The following ZFPM2 variants were observed in gnomAD, a reference collection of about 807,000 sequenced individuals.
ZFPM2 encodes zinc finger protein ZFPM2.
A neutral mutation model predicts 98.6 loss-of-function variants in ZFPM2; 20 were observed. The observed-to-expected ratio is 0.20, with a 90% CI of 0.14 to 0.29. The LOEUF is 0.29. ZFPM2 is among the 10% of genes least tolerant of loss of function. The probability of loss-of-function intolerance (pLI) is 1.00; values close to 1 mark genes in which losing one functional copy is unlikely to be tolerated. For synonymous variants in ZFPM2, 518 were observed against 502.7 expected, an observed-to-expected ratio of 1.03 and a Z score of -0.41; for missense variants, 1,310 against 1,388.6, an observed-to-expected ratio of 0.94 and a Z score of 0.90.
chr8:105,513,506 T>G (rs1363947011), intron 3 of ZFPM2, among the ~76,000 whole-genome samples: 3 of 152,198 alleles, frequency 2.0e-5, no homozygotes, highest in South Asian at 4.1e-4. Context: ...GATGTAGAAA[T>G]GTAGAATAAG....
At chr8:105,628,485 A>C (rs1487448220) in intron 4 of ZFPM2, among the ~76,000 whole-genome samples, 1 of 152,162 alleles carries the variant, frequency 6.6e-6, no homozygotes, top group East Asian at 1.9e-4. Context: ...CTGTGGCCCA[A>C]AGTGAGAACT....
At chr8:105,764,658 G>A (rs772121061) in intron 5 of ZFPM2, among the ~76,000 whole-genome samples, 1 of 151,714 alleles carries the variant, frequency 6.6e-6, no homozygotes, top group Non-Finnish European at 1.5e-5. Flanking sequence ...CCCTTGCAAA[G>A]TGAAATGTGT....
chr8:105,802,294 C>A lies in ZFPM2; in HGVS notation c.2212C>A (p.Arg738Ser). Residue 738 changes from arginine to serine, a missense_variant, in exon 8 of 8, where the codon CGC becomes AGC. Arg to Ser is a moderately radical substitution (Grantham distance 110). Coordinates refer to ENST00000407775, the MANE Select transcript of ZFPM2 (RefSeq NM_012082.4). ...AMQRTMRTRK[R>S]RKMYEMCLPE... ...GCAGAGAACCATGCGCACACGCAAG[C>A]GCAGAAAGATGTATGAGATGTGCCT... 1 of 1,613,752 alleles carries A rather than the reference C, an allele frequency of 6.2e-7. No homozygotes were observed. The highest frequency in any genetic ancestry group is 8.5e-7 in the Non-Finnish European group (1 of 1,179,806).
intron 1 of ZFPM2, among the ~76,000 whole-genome samples, chr8:105,407,965 C>T (rs531520419): frequency 3.3e-5 from 5 of 151,922 alleles, no homozygotes; most frequent in South Asian, 2.1e-4. Context: ...TGGAGTACTG[C>T]GAGCTGCCAG....
At chr8:105,765,099 CTTTAT>C (rs923621728) in intron 5 of ZFPM2, among the ~76,000 whole-genome samples, 5 of 151,674 alleles carry the variant, frequency 3.3e-5, no homozygotes, top group Non-Finnish European at 7.4e-5. Flanking sequence ...TGATAACAGG[CTTTAT>C]TTTGTTTTTA....
rs572108260 is a variant in ZFPM2 at position 105,712,202 on chromosome 8, A to G, written c.533-76516A>G. ...AAGTGATGGAGAAAGAGAGGAGAAG[A>G]AAGAACATTATGCTACTAGAGGAAT... is the stretch of plus-strand genomic sequence containing the variant. On this transcript the variant is annotated intron_variant, in intron 5 of 7. Coordinates refer to ENST00000407775, the MANE Select transcript of ZFPM2 (RefSeq NM_012082.4). Among the ~76,000 whole-genome samples, 37 of 151,046 alleles carry G rather than the reference A, an allele frequency of 2.4e-4. No homozygotes were observed. In the South Asian group the frequency reaches 7.6e-3, roughly 31 times the overall value.
At chr8:105,643,794 C>T (rs1458955966) in intron 5 of ZFPM2, among the ~76,000 whole-genome samples, 1 of 152,152 alleles carries the variant, frequency 6.6e-6, no homozygotes, top group Non-Finnish European at 1.5e-5. Context: ...AATGTCTTTA[C>T]TTCTTGTTTC....
intron 3 of ZFPM2, among the ~76,000 whole-genome samples, chr8:105,543,537 T>C (rs1814625968): frequency 6.6e-6 from 1 of 152,166 alleles, no homozygotes; most frequent in African/African-American, 2.4e-5. Flanking sequence ...TCTCTCTTTT[T>C]AAAAATCATT....
chr8:105,775,573 T>G (rs1813087073), intron 5 of ZFPM2, among the ~76,000 whole-genome samples: 1 of 152,118 alleles, frequency 6.6e-6, no homozygotes, highest in Admixed American at 6.6e-5. Context: ...TTATTGCAAA[T>G]TATTAGTTGA....
chr8:105,364,148 G>C (rs1481254989), intron 1 of ZFPM2, among the ~76,000 whole-genome samples: 1 of 151,912 alleles, frequency 6.6e-6, no homozygotes, highest in African/African-American at 2.4e-5. Context: ...AAGTTGGGGA[G>C]ACTTAAAATG....
intron 1 of ZFPM2, among the ~76,000 whole-genome samples, chr8:105,340,030 G>A (rs1463839436): frequency 6.6e-6 from 1 of 151,772 alleles, no homozygotes; most frequent in Non-Finnish European, 1.5e-5. Context: ...ATAAATCTAG[G>A]AATAAAGGAA....
At chr8:105,339,138 A>G (rs1388344090) in intron 1 of ZFPM2, among the ~76,000 whole-genome samples, 1 of 151,876 alleles carries the variant, frequency 6.6e-6, no homozygotes, top group East Asian at 1.9e-4. Flanking sequence ...TTTTAAAAGT[A>G]GTTTTATGTT....
intron 4 of ZFPM2, among the ~76,000 whole-genome samples, chr8:105,568,555 A>G (rs184150992): frequency 1.3e-5 from 2 of 152,262 alleles, no homozygotes; most frequent in African/African-American, 4.8e-5. Flanking sequence ...CCAGAAACCA[A>G]GCATCATAAC....
At chr8:105,485,995 A>T (rs1813223724) in intron 3 of ZFPM2, among the ~76,000 whole-genome samples, 1 of 152,046 alleles carries the variant, frequency 6.6e-6, no homozygotes, top group Non-Finnish European at 1.5e-5. Flanking sequence ...TAACACGGAG[A>T]TCTATCACCT....
intron 5 of ZFPM2, among the ~76,000 whole-genome samples, chr8:105,668,031 C>A (rs779647273): frequency 6.6e-6 from 1 of 152,044 alleles, no homozygotes; most frequent in Non-Finnish European, 1.5e-5. Context: ...GCCCCGGGAC[C>A]AAAAAGTCTG....
chr8:105,697,044 C>T (rs747144669), intron 5 of ZFPM2, among the ~76,000 whole-genome samples: 2 of 152,132 alleles, frequency 1.3e-5, no homozygotes, highest in Non-Finnish European at 2.9e-5. Flanking sequence ...ATCTTAAATT[C>T]TCTACCCAAT....
intron 7 of ZFPM2, 73 bp downstream of exon 7, chr8:105,799,021 G>A: frequency 5.4e-6 from 7 of 1,297,748 alleles, no homozygotes; most frequent in Non-Finnish European, 7.6e-6. Context: ...TGCATTACAT[G>A]TATACGTCTA....
At chr8:105,440,995 C>T (rs1173411514) in intron 2 of ZFPM2, among the ~76,000 whole-genome samples, 1 of 147,780 alleles carries the variant, frequency 6.8e-6, no homozygotes, top group Non-Finnish European at 1.5e-5. Context: ...ACTAAAAATA[C>T]AAAAAAAAAA....
At chr8:105,679,133 G>A (rs1810541185) in intron 5 of ZFPM2, 1 of 152,136 alleles carries the variant, frequency 6.6e-6, no homozygotes, top group African/African-American at 2.4e-5. Context: ...TACTTTCTAT[G>A]TGCCGCCTGC....
Sources: allele counts gnomAD v4.1 joint callset (sites outside exome capture counted in the v4.1 genomes callset), GRCh38; gene constraint gnomAD v4.1.1; transcripts MANE v1.5; gene names NCBI Gene and HGNC (gene_info 2026-07-23, HGNC 2026-07-21).